Variants in NRG3 observed in about 807,000 individuals in gnomAD.
NRG3 encodes the protein neuregulin 3.
In NRG3, 31 loss-of-function variants were observed where a neutral mutation model predicts 66.9. The observed-to-expected ratio is 0.46, with a 90% CI of 0.35 to 0.63. NRG3 has a LOEUF of 0.63. NRG3 is among the 20% of genes least tolerant of loss of function. The pLI is 0.00. For missense variants in NRG3, 910 were observed against 878.9 expected (o/e 1.04, Z -0.45); for synonymous variants, 393 against 359.4 (o/e 1.09, Z -1.06).
At chr10:82,391,389 T>C (rs553915494) in intron 2 of NRG3, among the ~76,000 whole-genome samples, 1 of 152,268 alleles carries the variant, frequency 6.6e-6, no homozygotes, top group Non-Finnish European at 1.5e-5. Context: ...AAGTAAATTA[T>C]CAGTTTAGAA....
intron 3 of NRG3, among the ~76,000 whole-genome samples, chr10:82,861,154 G>A (rs924359438): frequency 2.0e-5 from 3 of 152,104 alleles, no homozygotes; most frequent in Admixed American, 2.0e-4. Flanking sequence ...GTGTCTGTGT[G>A]TGTGTGTGTG....
chr10:82,236,210 A>C (rs2076745889), intron 1 of NRG3, among the ~76,000 whole-genome samples: 1 of 152,184 alleles, frequency 6.6e-6, no homozygotes, highest in African/African-American at 2.4e-5. Flanking sequence ...AAATGTAGCT[A>C]ATCACAGCCA....
At chr10:81,919,714 G>A (rs1174428811) in intron 1 of NRG3, among the ~76,000 whole-genome samples, 1 of 151,908 alleles carries the variant, frequency 6.6e-6, no homozygotes, top group Non-Finnish European at 1.5e-5. Flanking sequence ...GGAGATTTTG[G>A]GACACCAAAA....
chr10:82,882,162 C>A (rs575694645), intron 4 of NRG3, among the ~76,000 whole-genome samples: 4 of 152,300 alleles, frequency 2.6e-5, no homozygotes, highest in East Asian at 1.9e-4. Flanking sequence ...CCTAATACAT[C>A]GTTCATGCAG....
chr10:82,072,230 C>A (rs751972413), intron 1 of NRG3, among the ~76,000 whole-genome samples: 3 of 152,186 alleles, frequency 2.0e-5, no homozygotes, highest in Admixed American at 1.3e-4. Flanking sequence ...GCCAACAGGA[C>A]TTTCTGAAAG....
chr10:82,970,218 T>C (rs1306970419), intron 6 of NRG3, among the ~76,000 whole-genome samples: 1 of 152,216 alleles, frequency 6.6e-6, no homozygotes, highest in Admixed American at 6.5e-5. Flanking sequence ...TTTTGAAACA[T>C]ATTGTCAATT....
At chr10:82,801,774 A>G (rs2061050178) in intron 3 of NRG3, among the ~76,000 whole-genome samples, 1 of 152,184 alleles carries the variant, frequency 6.6e-6, no homozygotes, top group Non-Finnish European at 1.5e-5. Flanking sequence ...GGATGGATAT[A>G]TTCACTTGCC....
At chr10:82,483,630 G>A (rs370524143) in intron 2 of NRG3, among the ~76,000 whole-genome samples, 3 of 151,998 alleles carry the variant, frequency 2.0e-5, no homozygotes, top group Non-Finnish European at 2.9e-5. Flanking sequence ...ACACACACAC[G>A]CCAGGCCCTA....
chr10:81,936,916 A>G (rs1847930566), intron 1 of NRG3, among the ~76,000 whole-genome samples: 1 of 152,192 alleles, frequency 6.6e-6, no homozygotes, highest in Non-Finnish European at 1.5e-5. Flanking sequence ...CTCTATGCAC[A>G]TTGTTGTGCA....
At chr10:82,321,298 G>A (rs971941369) in intron 1 of NRG3, among the ~76,000 whole-genome samples, 1 of 128,364 alleles carries the variant, frequency 7.8e-6, no homozygotes, top group Non-Finnish European at 1.5e-5. Flanking sequence ...CCTGTGGCAG[G>A]GGTGGGGGTG....
intron 1 of NRG3, among the ~76,000 whole-genome samples, chr10:82,348,437 G>T (rs1261461491): frequency 1.3e-5 from 2 of 149,578 alleles, no homozygotes; most frequent in Non-Finnish European, 2.9e-5. Context: ...TGAGAGATCC[G>T]CTGTTAGTCT....
At chr10:81,986,163 T>C (rs2060510921) in intron 1 of NRG3, among the ~76,000 whole-genome samples, 1 of 152,226 alleles carries the variant, frequency 6.6e-6, no homozygotes, top group South Asian at 2.1e-4. Flanking sequence ...ATTATTTTTC[T>C]ATCATGAATA....
At chr10:82,276,937 T>C (rs1312620199) in intron 1 of NRG3, among the ~76,000 whole-genome samples, 1 of 152,028 alleles carries the variant, frequency 6.6e-6, no homozygotes, top group Non-Finnish European at 1.5e-5. Flanking sequence ...TTTTAAACTG[T>C]TTTAATTTCC....
intron 2 of NRG3, among the ~76,000 whole-genome samples, chr10:82,489,407 C>A (rs1248107868): frequency 6.6e-6 from 1 of 152,126 alleles, no homozygotes; most frequent in Non-Finnish European, 1.5e-5. Context: ...GCTGGTATTG[C>A]ATCAGCAGCA....
At chr10:82,106,870 A>C (rs1485147557) in intron 1 of NRG3, among the ~76,000 whole-genome samples, 1 of 152,140 alleles carries the variant, frequency 6.6e-6, no homozygotes, top group Admixed American at 6.6e-5. Flanking sequence ...CTCTGCTATA[A>C]GGTATCTTGC....
chr10:82,731,228 A>G (rs369000548), intron 2 of NRG3, among the ~76,000 whole-genome samples: 1 of 151,956 alleles, frequency 6.6e-6, no homozygotes, highest in Non-Finnish European at 1.5e-5. Context: ...TTAGCCAGGC[A>G]TGGTGGCACA....
At chr10:82,503,137 A>G (rs1844357645) in intron 2 of NRG3, among the ~76,000 whole-genome samples, 1 of 152,156 alleles carries the variant, frequency 6.6e-6, no homozygotes, top group Non-Finnish European at 1.5e-5. Context: ...TATATTTTGT[A>G]CCTCCTAATT....
intron 1 of NRG3, chr10:82,232,287 C>A (rs1190431945): frequency 6.5e-6 from 1 of 154,450 alleles, no homozygotes; most frequent in Non-Finnish European, 1.4e-5. Context: ...AAATTAACGT[C>A]TTATGATGCA....
intron 1 of NRG3, among the ~76,000 whole-genome samples, chr10:81,978,494 T>A (rs1007088412): frequency 6.6e-6 from 1 of 152,256 alleles, no homozygotes; most frequent in Non-Finnish European, 1.5e-5. Context: ...GGGCAAATTT[T>A]TTTTTCTGAA....
Sources: gnomAD v4.1 joint callset for allele counts (sites outside exome capture counted in the v4.1 genomes callset) on GRCh38, gnomAD v4.1.1 for gene constraint, MANE v1.5 for transcripts, NCBI Gene and HGNC (gene_info 2026-07-23, HGNC 2026-07-21) for gene names.